ADAMTS13: variants seen among roughly 807,000 people sequenced by gnomAD.
The protein encoded by ADAMTS13 is A disintegrin and metalloproteinase with thrombospondin motifs 13.
In ADAMTS13, 110 loss-of-function variants were observed where a neutral mutation model predicts 155.1. That is an observed-to-expected ratio of 0.71 (90% CI 0.61 to 0.83). The LOEUF is 0.83. ADAMTS13 is among the 40% of genes least tolerant of loss of function. The pLI is 0.00. For missense variants in ADAMTS13, 1,707 were observed against 1,891.7 expected (o/e 0.90, Z 1.81); for synonymous variants, 758 against 756.4 (o/e 1.00, Z -0.03).
rs587719056 is a variant in ADAMTS13 at position 133,452,903 on chromosome 9, G to A, written c.3045-1512G>A. Among the ~76,000 whole-genome samples, 20 of 152,262 alleles carry A rather than the reference G, an allele frequency of 1.3e-4. No homozygotes were observed. The South Asian group carries it at 2.5e-3, about 19-fold the overall frequency. ...ACTTAGGGCTTCTGTGCTAGCTCTC[G>A]CTGCCTGATGTCTTCTGTGGATATC... is the stretch of plus-strand genomic sequence containing the variant. On this transcript the variant is annotated intron_variant, in intron 23 of 28. Transcript: ENST00000355699.
chr9:133,419,927 G>A (rs1292581018), upstream of ADAMTS13, among the ~76,000 whole-genome samples: 1 of 143,554 alleles, frequency 7.0e-6, no homozygotes, highest in Non-Finnish European at 1.5e-5. Context: ...TTTTTGAGAC[G>A]AAGTTATGCT....
intron 22 of ADAMTS13, 41 bp downstream of exon 22, chr9:133,448,769 G>A (rs1484592128): frequency 6.3e-7 from 1 of 1,590,308 alleles, no homozygotes; most frequent in Non-Finnish European, 8.5e-7. Flanking sequence ...CCTTCTCCCT[G>A]TAAGTGGGAG....
intron 1 of ADAMTS13, 134 bp downstream of exon 1, chr9:133,422,682 C>CT: frequency 2.3e-6 from 2 of 852,166 alleles, no homozygotes; most frequent in Admixed American, 2.1e-5. Context: ...GGAGTCTGTA[C>CT]TTGGGGCTTT....
intron 1 of ADAMTS13, chr9:133,415,044 G>T (rs998820353): frequency 6.5e-7 from 1 of 1,542,298 alleles, no homozygotes; most frequent in African/African-American, 1.4e-5. Context: ...TGCTGCATTT[G>T]AATTTGGAAA....
chr9:133,455,532 G>A (rs782760544), intron 25 of ADAMTS13, 97 bp downstream of exon 25: 5 of 1,610,950 alleles, frequency 3.1e-6, no homozygotes, highest in Non-Finnish European at 4.2e-6. Flanking sequence ...CAGGCCCGGG[G>A]CCTGCTCTTC....
intron 21 of ADAMTS13, among the ~76,000 whole-genome samples, chr9:133,448,000 T>C (rs1025568669): frequency 2.0e-5 from 3 of 151,494 alleles, no homozygotes; most frequent in Non-Finnish European, 4.4e-5. Flanking sequence ...TTTTCTTTTT[T>C]TTTTTTTTGA....
At chr9:133,450,551 G>A (rs1842372209) in intron 23 of ADAMTS13, among the ~76,000 whole-genome samples, 1 of 135,218 alleles carries the variant, frequency 7.4e-6, no homozygotes. Flanking sequence ...GCTAACAGCA[G>A]CAAAACTCCA....
intron 11 of ADAMTS13, among the ~76,000 whole-genome samples, chr9:133,435,336 G>A (rs781965943): frequency 2.0e-5 from 3 of 151,716 alleles, no homozygotes; most frequent in South Asian, 2.1e-4. Flanking sequence ...ACAGGCACGC[G>A]CCACCATGCC....
intron 7 of ADAMTS13, among the ~76,000 whole-genome samples, chr9:133,429,051 T>G (rs1163531316): frequency 6.9e-6 from 1 of 144,240 alleles, no homozygotes; most frequent in Non-Finnish European, 1.5e-5. Context: ...CATTCAGCCC[T>G]CCTTCCTGTC....
intron 24 of ADAMTS13, 97 bp from the exon 25 acceptor site, chr9:133,455,188 C>T: frequency 2.9e-6 from 4 of 1,369,400 alleles, no homozygotes; most frequent in Non-Finnish European, 4.1e-6. Context: ...CCAGCTTGTA[C>T]AAGGATTATA....
chr9:133,440,394 C>T lies in ADAMTS13; in HGVS notation c.1837C>T (p.Pro613Ser), dbSNP rs1004871375. 1.2e-6 allele frequency: 2 copies of T among 1,613,830 alleles called. No homozygotes were observed. The highest frequency in any genetic ancestry group is 1.3e-5 in the African/African-American group (1 of 74,938). ...CGTGGCTGGGAAGATGAGCATCTCC[C>T]CTAACACCACCTACCCCTCCCTCCT... Reference protein sequence around the residue: ...YVVAGKMSISPNTTYPSLLED... With the variant: ...YVVAGKMSISSNTTYPSLLED... Residue 613 changes from proline to serine, a missense_variant, in exon 16 of 29, where the codon CCT becomes TCT. Physicochemically the swap from Pro to Ser is moderately conservative, Grantham distance 74. Around this residue, in one of 3 missense-constraint regions of ADAMTS13, gnomAD observed 961 missense variants for 1,107.9 expected, o/e 0.87. Coordinates refer to ENST00000355699, the MANE Select transcript of ADAMTS13 (RefSeq NM_139027.6). This position sits in a 1 kb window ranked among gnomAD's most constrained non-coding sequence, Gnocchi z 4.3.
chr9:133,445,722 G>A lies in ADAMTS13; in HGVS notation c.2634G>A (p.Glu878=). 1 of 1,612,886 alleles carries A rather than the reference G, an allele frequency of 6.2e-7. No individual in the cohort carries two copies. Among genetic ancestry groups the A allele is most frequent in the Non-Finnish European group, 8.5e-7 (1 of 1,179,722 alleles). Residue 878 remains glutamate, a synonymous_variant, in exon 21 of 29, where the codon GAG becomes GAA. Coordinates refer to ENST00000355699, the MANE Select transcript of ADAMTS13 (RefSeq NM_139027.6). The surrounding 1 kb of genome is among the most constrained non-coding windows in gnomAD (Gnocchi z 5.0). ...AGCTGGATGCCACCTCTGCAGGGGA[G>A]AAGGCTCCCTCCCCATGGGGCAGCA... ...WGHLDATSAG[E]KAPSPWGSIR...
At chr9:133,457,004 C>T (rs371645906) in intron 27 of ADAMTS13, 29 of 538,342 alleles carry the variant, frequency 5.4e-5, no homozygotes, top group African/African-American at 3.0e-4. Context: ...TGCCCCACAC[C>T]CACCTGCCCC....
In ADAMTS13 at chr9:133,422,484, G is replaced by T. The variant is rs782679501; in HGVS notation, c.41G>T (p.Cys14Phe). 12 of 1,614,014 alleles carry T rather than the reference G, an allele frequency of 7.4e-6. No individual in the cohort carries two copies. The highest frequency in any genetic ancestry group is 5.3e-5 in the African/African-American group (4 of 74,928). ...RHPRARCPPL[C>F]VAGILACGFL... ...CCCCGGGCAAGATGCCCTCCCCTCT[G>T]TGTGGCCGGAATCCTTGCCTGTGGC... The change falls in exon 1 of 29, where the codon TGT becomes TTT. Residue 14 changes from cysteine (C) to phenylalanine (F), a missense_variant. Cys to Phe is a radical substitution (Grantham distance 205, BLOSUM62 -2). Coordinates refer to ENST00000355699, the MANE Select transcript of ADAMTS13 (RefSeq NM_139027.6).
chr9:133,449,989 G>T, intron 23 of ADAMTS13, 24 bp downstream of exon 23: 1 of 1,572,302 alleles, frequency 6.4e-7, no homozygotes, highest in East Asian at 2.3e-5. Flanking sequence ...TGATGGGAGG[G>T]GCAGCTCCTG....
At position 133,440,566 on chromosome 9, in the gene ADAMTS13, C is replaced by G. The variant is rs782742705; in HGVS notation, c.1968+41C>G. 55 of 1,544,682 alleles carry G rather than the reference C, an allele frequency of 3.6e-5. No individual in the cohort carries two copies. Among genetic ancestry groups the G allele is most frequent in the Non-Finnish European group, 4.7e-5 (54 of 1,141,432 alleles). ...TGGGGGAGGCCAGTGGGGGCTTCTT[C>G]TTGGGGGCTATGGCTGCTTGCTCGT... is the stretch of plus-strand genomic sequence containing the variant. On this transcript the variant is annotated intron_variant, in intron 16 of 28. Coordinates refer to ENST00000355699, the MANE Select transcript of ADAMTS13 (RefSeq NM_139027.6). The surrounding 1 kb of genome is among the most constrained non-coding windows in gnomAD (Gnocchi z 4.3).
intron 19 of ADAMTS13, among the ~76,000 whole-genome samples, chr9:133,444,526 C>T (rs897286470): frequency 2.0e-5 from 3 of 152,134 alleles, no homozygotes; most frequent in Non-Finnish European, 2.9e-5. Context: ...AGGCTGGTCT[C>T]CAACTCCCGG....
intron 11 of ADAMTS13, among the ~76,000 whole-genome samples, chr9:133,436,106 G>T (rs1053141235): frequency 1.7e-4 from 26 of 150,986 alleles, no homozygotes; most frequent in African/African-American, 5.6e-4. Flanking sequence ...CGTGAGCCAT[G>T]GCGCCCGGCC....
rs1282639709 is a variant in ADAMTS13 at position 133,441,220 on chromosome 9, C to T, written c.1968+695C>T. Among the ~76,000 whole-genome samples, 1 of 152,144 alleles carries T rather than the reference C, an allele frequency of 6.6e-6. No individual in the cohort carries two copies. Among genetic ancestry groups the T allele is most frequent in the African/African-American group, 2.4e-5 (1 of 41,420 alleles). On this transcript the variant is annotated intron_variant, in intron 16 of 28. Transcript: ENST00000355699. This position sits in a 1 kb window ranked among gnomAD's most constrained non-coding sequence, Gnocchi z 5.0. ...GAACCTTGGGAGAGGGGCCCAGTCT[C>T]AGCGGCCGGAGCAGCGTCCTCTGCC...
Sources: gnomAD v4.1 joint callset for allele counts (sites outside exome capture counted in the v4.1 genomes callset) on GRCh38, gnomAD v4.1.1 for gene constraint, gnomAD v4.1.1 regional missense constraint, Gnocchi (gnomAD v3.1) non-coding constraint, MANE v1.5 for transcripts, NCBI Gene and HGNC (gene_info 2026-07-23, HGNC 2026-07-21) for gene names.